ARHGAP32: variants seen among roughly 807,000 people sequenced by gnomAD.
ARHGAP32 encodes the protein rho GTPase-activating protein 32.
In ARHGAP32, 51 loss-of-function variants were observed where a neutral mutation model predicts 186.5. That is an observed-to-expected ratio of 0.27 (90% CI 0.22 to 0.35). The LOEUF is 0.35. Ranked by LOEUF, ARHGAP32 falls within the 10% of genes least tolerant of loss-of-function variation. The pLI is 1.00. For missense variants in ARHGAP32, 2,186 were observed against 2,623.5 expected (o/e 0.83, Z 3.64); for synonymous variants, 950 against 964.3 (o/e 0.99, Z 0.27).
At chr11:129,016,574 G>A (rs1286948487) in intron 11 of ARHGAP32, among the ~76,000 whole-genome samples, 3 of 152,102 alleles carry the variant, frequency 2.0e-5, no homozygotes, top group Non-Finnish European at 4.4e-5. Context: ...CATGTAAGAC[G>A]TCTGTTTCTG....
intron 1 of ARHGAP32, among the ~76,000 whole-genome samples, chr11:129,235,218 C>A (rs1944912758): frequency 6.6e-6 from 1 of 152,120 alleles, no homozygotes; most frequent in African/African-American, 2.4e-5. Flanking sequence ...AGTTTGTGGT[C>A]ACCTGTTATC....
intron 2 of ARHGAP32, among the ~76,000 whole-genome samples, chr11:129,149,547 C>T (rs1425497388): frequency 6.6e-6 from 1 of 152,166 alleles, no homozygotes; most frequent in Non-Finnish European, 1.5e-5. Flanking sequence ...AGATTCACTG[C>T]AGTCCAGCTC....
chr11:128,982,239 C>A (rs571996780), intron 15 of ARHGAP32, among the ~76,000 whole-genome samples: 1 of 152,140 alleles, frequency 6.6e-6, no homozygotes, highest in South Asian at 2.1e-4. Flanking sequence ...GTCTCAAAAG[C>A]CTTAAAACAG....
At chr11:129,170,602 C>G (rs1040073526) in intron 1 of ARHGAP32, among the ~76,000 whole-genome samples, 1 of 152,142 alleles carries the variant, frequency 6.6e-6, no homozygotes, top group Non-Finnish European at 1.5e-5. Flanking sequence ...TGGGTTGGTT[C>G]CATGTCTCTG....
At chr11:129,087,700 C>T (rs1320182611) in intron 6 of ARHGAP32, among the ~76,000 whole-genome samples, 1 of 152,160 alleles carries the variant, frequency 6.6e-6, no homozygotes, top group African/African-American at 2.4e-5. Context: ...ATAGAATATA[C>T]ACCTCCAAGA....
At position 128,969,821 on chromosome 11, in the gene ARHGAP32, A is replaced by C. The variant is rs1229257280; in HGVS notation, c.5392T>G (p.Leu1798Val). 2 of 1,614,108 alleles carry C rather than the reference A, an allele frequency of 1.2e-6. No homozygotes were observed. The highest frequency in any genetic ancestry group is 1.7e-6 in the Non-Finnish European group (2 of 1,180,018). Residue 1798 changes from leucine to valine, a missense_variant, in exon 23 of 23, where the codon TTG (leucine) becomes GTG (valine). Leu to Val is a conservative substitution (Grantham distance 32). Transcript: ENST00000682385. This position sits in a 1 kb window ranked among gnomAD's most constrained non-coding sequence, Gnocchi z 4.8. ...DNMTPAVQDD[L>V]GGIYVIHLRS... ...AGATGGATGACATAGATCCCACCCA[A>C]GTCGTCCTGCACCGCCGGGGTCATG...
intron 1 of ARHGAP32, among the ~76,000 whole-genome samples, chr11:129,239,909 A>T (rs1392215940): frequency 6.6e-6 from 1 of 152,160 alleles, no homozygotes; most frequent in Non-Finnish European, 1.5e-5. Flanking sequence ...GCACCAGCAG[A>T]TCCCAAATTT....
chr11:129,038,075 T>C (rs1939429980), intron 11 of ARHGAP32, among the ~76,000 whole-genome samples: 1 of 151,876 alleles, frequency 6.6e-6, no homozygotes, highest in Admixed American at 6.6e-5. Context: ...CACTCCAACC[T>C]GGGTGACAGA....
upstream of ARHGAP32, among the ~76,000 whole-genome samples, chr11:129,194,992 C>T (rs566767529): frequency 3.4e-5 from 5 of 145,288 alleles, no homozygotes; most frequent in East Asian, 1.1e-3. Context: ...TTTGTTGAAA[C>T]AGGGTCTTGT....
rs1203321610 is a variant in ARHGAP32, at chr11:128,967,833, G to A, written c.*1074C>T. ...ATGCGTAGCTACTTAAATTCCCAGG[G>A]ACCTCGTACTCTGGTTTAGGAACAG... On this transcript the variant is annotated 3_prime_UTR_variant, in exon 23 of 23. Transcript: ENST00000682385. 3 of 151,540 alleles carry A rather than the reference G, an allele frequency of 2.0e-5. No homozygotes were observed. The highest frequency in any genetic ancestry group is 7.3e-5 in the African/African-American group (3 of 41,192). 9.4% of individuals were successfully genotyped at this position (151,540 alleles called of 1,614,324 possible).
intron 2 of ARHGAP32, among the ~76,000 whole-genome samples, chr11:129,152,779 T>A (rs1943316013): frequency 6.6e-6 from 1 of 152,004 alleles, no homozygotes; most frequent in Non-Finnish European, 1.5e-5. Flanking sequence ...CAACCAACAT[T>A]ATACTGAATA....
chr11:129,141,775 A>G (rs1943059111), intron 2 of ARHGAP32, among the ~76,000 whole-genome samples: 1 of 151,080 alleles, frequency 6.6e-6, no homozygotes, highest in Admixed American at 6.6e-5. Context: ...GGGAAATAGG[A>G]TTATGGGAAA....
chr11:129,091,450 T>G (rs1941575389), intron 6 of ARHGAP32, among the ~76,000 whole-genome samples: 1 of 151,928 alleles, frequency 6.6e-6, no homozygotes, highest in South Asian at 2.1e-4. Context: ...CTGAAAGAAA[T>G]CAGTATCACT....
chr11:129,177,782 A>C (rs867067781), intron 1 of ARHGAP32, among the ~76,000 whole-genome samples: 1 of 152,130 alleles, frequency 6.6e-6, no homozygotes, highest in South Asian at 2.1e-4. Flanking sequence ...TTGATGGGAC[A>C]TATCTCAAAA....
intron 1 of ARHGAP32, among the ~76,000 whole-genome samples, chr11:129,235,154 C>G (rs548576128): frequency 1.1e-4 from 16 of 152,226 alleles, no homozygotes; most frequent in African/African-American, 3.9e-4. Flanking sequence ...CTGCTGACAT[C>G]TTGATTTCGG....
intron 10 of ARHGAP32, among the ~76,000 whole-genome samples, chr11:129,053,137 G>A (rs1940124298): frequency 6.6e-6 from 1 of 151,990 alleles, no homozygotes; most frequent in South Asian, 2.1e-4. Context: ...TTAAAAAATT[G>A]AGTGTTTAAG....
At chr11:129,252,963 T>G (rs529811860) in intron 1 of ARHGAP32, among the ~76,000 whole-genome samples, 1 of 152,144 alleles carries the variant, frequency 6.6e-6, no homozygotes, top group South Asian at 2.1e-4. Context: ...AGAGGAAGAA[T>G]GAACTGGAAT....
At chr11:129,185,223 C>T (rs1004929992) in intron 1 of ARHGAP32, among the ~76,000 whole-genome samples, 4 of 152,160 alleles carry the variant, frequency 2.6e-5, no homozygotes, top group African/African-American at 9.7e-5. Context: ...CAATGATATA[C>T]TGGATTAAGA....
At position 128,970,960 on chromosome 11, in the gene ARHGAP32, G is replaced by A. The variant is rs552856918; in HGVS notation, c.4253C>T (p.Ala1418Val). Residue 1418 changes from alanine to valine, a missense_variant, in exon 23 of 23, where the codon GCG becomes GTG. Physicochemically the swap from Ala to Val is moderately conservative, Grantham distance 64. This residue lies in a region of ARHGAP32 where 1,502 missense variants were observed against 1,570.0 expected (regional missense o/e 0.96). Coordinates refer to ENST00000682385, the MANE Select transcript of ARHGAP32 (RefSeq NM_001378024.1). This position sits in a 1 kb window ranked among gnomAD's most constrained non-coding sequence, Gnocchi z 5.8. The stretch of plus-strand genomic sequence containing the variant: ...TGGTGCAGGAAAGCCACAGGGATGC[G>A]CAGGGACAGACTCGGCGCGCAGGTG... ...LLHLRAESVPAHPCGFPAPLP... is the reference protein window; with the variant it reads ...LLHLRAESVPVHPCGFPAPLP... 41 of 1,613,792 alleles carry A rather than the reference G, an allele frequency of 2.5e-5. No individual in the cohort carries two copies. Among genetic ancestry groups the A allele is most frequent in the Admixed American group, 2.3e-4 (14 of 60,010 alleles).
Sources: gnomAD v4.1 joint callset for allele counts (sites outside exome capture counted in the v4.1 genomes callset) on GRCh38, gnomAD v4.1.1 for gene constraint, gnomAD v4.1.1 regional missense constraint, Gnocchi (gnomAD v3.1) non-coding constraint, MANE v1.5 for transcripts, NCBI Gene and HGNC (gene_info 2026-07-23, HGNC 2026-07-21) for gene names.